Variants in TRPM3 observed in about 807,000 individuals in gnomAD.
The protein encoded by TRPM3 is transient receptor potential cation channel subfamily M member 3, also known as long transient receptor potential channel 3.
A neutral mutation model predicts 181.2 loss-of-function variants in TRPM3; 77 were observed. That is an observed-to-expected ratio of 0.42 (90% confidence interval 0.35 to 0.51). TRPM3 has a LOEUF of 0.51. TRPM3 is among the 20% of genes least tolerant of loss of function. The pLI, the probability that TRPM3 is intolerant of heterozygous loss-of-function variation, is 0.01. For missense variants in TRPM3, 1,759 were observed against 2,196.7 expected, an observed-to-expected ratio of 0.80 and a Z score of 3.98; for synonymous variants, 745 against 796.4, an observed-to-expected ratio of 0.94 and a Z score of 1.09.
chr9:70,739,874 T>C (rs1302751650), intron 8 of TRPM3, among the ~76,000 whole-genome samples: 1 of 152,098 alleles, frequency 6.6e-6, no homozygotes, highest in African/African-American at 2.4e-5. Flanking sequence ...CGTCTTGGCC[T>C]CCCAAAGTGC....
intron 1 of TRPM3, among the ~76,000 whole-genome samples, chr9:71,027,882 G>A (rs1218842922): frequency 1.3e-5 from 2 of 152,180 alleles, no homozygotes; most frequent in African/African-American, 4.8e-5. Context: ...AAGCAACTTG[G>A]AAAACATATT....
In TRPM3 at chr9:70,585,363, C is replaced by T. The variant is rs1476301087; in HGVS notation, c.3223+5668G>A. Among the ~76,000 whole-genome samples the T allele has an allele frequency of 3.3e-5, 5 of 152,196 alleles. No homozygotes were observed. In the East Asian group the frequency reaches 9.7e-4, roughly 30 times the overall value. ...CTACTTGTGCCCGCTGGTAAGCTCA[C>T]CCATCATGGCATTAACCATCACGGT... On this transcript the variant is annotated intron_variant, in intron 22 of 25. Transcript: ENST00000677713.
chr9:71,176,868 T>C (rs1183554314), intron 1 of TRPM3, among the ~76,000 whole-genome samples: 1 of 152,142 alleles, frequency 6.6e-6, no homozygotes, highest in Non-Finnish European at 1.5e-5. Flanking sequence ...TGTAACATGC[T>C]ATACAGTTTT....
intron 22 of TRPM3, among the ~76,000 whole-genome samples, chr9:70,558,848 A>G (rs115165926): frequency 5.0e-4 from 76 of 152,302 alleles, no homozygotes; most frequent in African/African-American, 1.8e-3. Context: ...CAGATTCTCT[A>G]TGGTTTACTT....
At chr9:71,092,408 T>C (rs956171239) in intron 1 of TRPM3, among the ~76,000 whole-genome samples, 14 of 152,308 alleles carry the variant, frequency 9.2e-5, no homozygotes, top group Middle Eastern at 6.8e-3. Context: ...AATTTAATTG[T>C]GATTTCTTGT....
At chr9:71,043,853 C>T (rs1273038037) in intron 1 of TRPM3, among the ~76,000 whole-genome samples, 1 of 152,202 alleles carries the variant, frequency 6.6e-6, no homozygotes, top group Non-Finnish European at 1.5e-5. Context: ...TGGAACTACT[C>T]TCTCAAGGTT....
At chr9:71,023,751 C>A (rs536544955) in intron 1 of TRPM3, among the ~76,000 whole-genome samples, 8 of 150,506 alleles carry the variant, frequency 5.3e-5, no homozygotes, top group African/African-American at 2.0e-4. Context: ...TGTATGAGTT[C>A]ATTTATATTA....
At chr9:70,917,217 C>T (rs905914636) in intron 1 of TRPM3, 1 of 1,588,126 alleles carries the variant, frequency 6.3e-7, no homozygotes, top group Admixed American at 1.7e-5. Flanking sequence ...TCCTGGATTG[C>T]AAAATACAGG....
intron 1 of TRPM3, among the ~76,000 whole-genome samples, chr9:71,433,102 T>A (rs1002448317): frequency 6.6e-6 from 1 of 152,228 alleles, no homozygotes; most frequent in Non-Finnish European, 1.5e-5. Context: ...AATATAATCT[T>A]CAGCTTTCTT....
At chr9:71,078,240 T>G (rs928336718) in intron 1 of TRPM3, among the ~76,000 whole-genome samples, 1 of 152,142 alleles carries the variant, frequency 6.6e-6, no homozygotes, top group African/African-American at 2.4e-5. Flanking sequence ...TATACAGATA[T>G]GCTAAAAAAT....
At chr9:70,620,432 T>C in intron 15 of TRPM3, 67 bp from the exon 16 acceptor site, 1 of 1,500,628 alleles carries the variant, frequency 6.7e-7, no homozygotes. Context: ...CAAGTAGCAG[T>C]TGTATATCTT....
At chr9:71,423,713 C>G (rs1386805034) in intron 1 of TRPM3, among the ~76,000 whole-genome samples, 1 of 152,042 alleles carries the variant, frequency 6.6e-6, no homozygotes, top group East Asian at 1.9e-4. Flanking sequence ...TATACACACA[C>G]ACACATAAAG....
chr9:71,420,831 A>AAGAGAAAGAAAG (rs1374378542), intron 1 of TRPM3, among the ~76,000 whole-genome samples: 4 of 12,472 alleles, frequency 3.2e-4, no homozygotes, highest in African/African-American at 1.3e-3. Context: ...AAGAGAGGGA[A>AAGAGAAAGAAAG]AGAAAGAGAG....
chr9:70,985,223 C>T (rs1356668154), intron 1 of TRPM3, among the ~76,000 whole-genome samples: 2 of 152,120 alleles, frequency 1.3e-5, no homozygotes, highest in East Asian at 1.9e-4. Context: ...GACCCAGTGC[C>T]GACTAATTTA....
chr9:71,303,584 A>AT (rs1297161603), intron 1 of TRPM3, among the ~76,000 whole-genome samples: 1 of 152,182 alleles, frequency 6.6e-6, no homozygotes, highest in Non-Finnish European at 1.5e-5. Flanking sequence ...CTGTTTTTAC[A>AT]TTTTTAGCTC....
At chr9:70,573,391 T>C (rs1254497549) in intron 22 of TRPM3, among the ~76,000 whole-genome samples, 1 of 152,218 alleles carries the variant, frequency 6.6e-6, no homozygotes, top group Non-Finnish European at 1.5e-5. Context: ...TTTGTGTATT[T>C]AAATGTAAAA....
rs553218613 is a variant in TRPM3 at position 70,744,683 on chromosome 9, A to G, written c.1272+16918T>C. Reference sequence around the variant, plus strand: ...CTTCATTTTCCTTGTAAATATAATGACTGGTATATAGGGGCAGAAGGTATT... The same window carrying G: ...CTTCATTTTCCTTGTAAATATAATGGCTGGTATATAGGGGCAGAAGGTATT... On this transcript the variant is annotated intron_variant, in intron 8 of 25. Coordinates refer to ENST00000677713, the MANE Select transcript of TRPM3 (RefSeq NM_001366145.2). 2.0e-5 allele frequency among the ~76,000 whole-genome samples: 3 copies of G among 152,260 alleles called. No homozygotes were observed. In the East Asian group the frequency reaches 5.8e-4, roughly 29 times the overall value.
At chr9:70,946,769 C>G (rs2096938081) in intron 1 of TRPM3, among the ~76,000 whole-genome samples, 1 of 152,088 alleles carries the variant, frequency 6.6e-6, no homozygotes, top group Admixed American at 6.6e-5. Context: ...TATTCAACAT[C>G]TTAACTTGCA....
intron 1 of TRPM3, among the ~76,000 whole-genome samples, chr9:70,957,044 T>A (rs2097083444): frequency 6.7e-6 from 1 of 148,210 alleles, no homozygotes; most frequent in African/African-American, 2.5e-5. Flanking sequence ...CACTGCAACC[T>A]CTGCTTCTCA....
Sources: gnomAD v4.1 joint callset for allele counts (sites outside exome capture counted in the v4.1 genomes callset) on GRCh38, gnomAD v4.1.1 for gene constraint, MANE v1.5 for transcripts, NCBI Gene and HGNC (gene_info 2026-07-23, HGNC 2026-07-21) for gene names.